NSD1: variants seen among roughly 807,000 people sequenced by gnomAD.
The protein encoded by NSD1 is nuclear receptor binding SET domain protein 1.
NSD1 carries 26 observed loss-of-function variants against 242.7 expected under a neutral mutation model. That is an observed-to-expected ratio of 0.11 (90% CI 0.08 to 0.15). The LOEUF is 0.15. Among genes scored for constraint, NSD1 ranks in the 10% least tolerant of loss-of-function variants. The pLI is 1.00. For synonymous variants in NSD1, 1,106 were observed against 1,178.1 expected, an observed-to-expected ratio of 0.94 and a Z score of 1.25; for missense variants, 2,495 against 3,272.8, an observed-to-expected ratio of 0.76 and a Z score of 5.80.
intron 2 of NSD1, among the ~76,000 whole-genome samples, chr5:177,151,733 C>G (rs1374772555): frequency 2.6e-5 from 4 of 151,106 alleles, no homozygotes; most frequent in African/African-American, 9.7e-5. Flanking sequence ...ACTCTGTTGG[C>G]TAGGCTGGAG....
chr5:177,237,495 A>AT (rs1765540303), intron 6 of NSD1, among the ~76,000 whole-genome samples: 1 of 142,756 alleles, frequency 7.0e-6, no homozygotes, highest in Non-Finnish European at 1.6e-5. Flanking sequence ...TTGGTTAAAA[A>AT]AATATATATA....
chr5:177,203,916 C>G (rs1762678053), intron 3 of NSD1, among the ~76,000 whole-genome samples: 1 of 152,190 alleles, frequency 6.6e-6, no homozygotes, highest in African/African-American at 2.4e-5. Context: ...CTGATTCTTT[C>G]ATAACCTCCT....
At chr5:177,164,866 C>T (rs1759055378) in intron 2 of NSD1, among the ~76,000 whole-genome samples, 1 of 151,614 alleles carries the variant, frequency 6.6e-6, no homozygotes, top group African/African-American at 2.4e-5. Flanking sequence ...TCGCTTGAAC[C>T]CAGGAGGTGG....
chr5:177,259,919 A>C, intron 13 of NSD1, 70 bp from the exon 14 acceptor site: 1 of 1,544,894 alleles, frequency 6.5e-7, no homozygotes, highest in Non-Finnish European at 8.9e-7. Context: ...ATAGACTTGA[A>C]TAACTCACAT....
chr5:177,235,167 C>A (rs1581399880), intron 5 of NSD1, among the ~76,000 whole-genome samples: 1 of 152,290 alleles, frequency 6.6e-6, no homozygotes, highest in East Asian at 1.9e-4. Context: ...TGCCAAACAA[C>A]CACAGATATT....
chr5:177,259,794 T>C (rs1446988054), intron 13 of NSD1, among the ~76,000 whole-genome samples, 195 bp from the exon 14 acceptor site: 6 of 152,210 alleles, frequency 3.9e-5, no homozygotes, highest in Non-Finnish European at 7.3e-5. Flanking sequence ...ATTTGATTCC[T>C]TTTGGAGACT....
chr5:177,160,296 T>A (rs1177750796), intron 2 of NSD1, among the ~76,000 whole-genome samples: 1 of 152,112 alleles, frequency 6.6e-6, no homozygotes, highest in Non-Finnish European at 1.5e-5. Context: ...TAATGTGTTT[T>A]TTTTTCTTTT....
At chr5:177,284,220 T>C (rs1318189396) in intron 20 of NSD1, among the ~76,000 whole-genome samples, 1 of 152,262 alleles carries the variant, frequency 6.6e-6, no homozygotes, top group African/African-American at 2.4e-5. Flanking sequence ...CTACTATATG[T>C]ACTTCATATA....
chr5:177,280,849 AATTACCAT>A lies in NSD1; in HGVS notation c.5892+18_5892+25del. 2 of 1,613,916 alleles carry A rather than the reference AATTACCAT, an allele frequency of 1.2e-6. No individual in the cohort carries two copies. The highest frequency in any genetic ancestry group is 1.7e-6 in the Non-Finnish European group (2 of 1,179,870). ...ATATTAAAAAGGTTAGAAAAAGCTA[AATTACCAT>A]ATACTTTCTCCTCTTTGCAGTTGCT... On this transcript the variant is annotated intron_variant, in intron 18 of 22. Coordinates refer to ENST00000439151, the MANE Select transcript of NSD1 (RefSeq NM_022455.5).
chr5:177,173,216 C>T (rs112050690), intron 2 of NSD1, among the ~76,000 whole-genome samples: 14 of 148,104 alleles, frequency 9.5e-5, no homozygotes, highest in Admixed American at 2.1e-4. Flanking sequence ...GGCGTGAACC[C>T]GGGAGGCGGA....
In NSD1 at chr5:177,280,588, A is replaced by G. The variant is rs1395607251; in HGVS notation, c.5646A>G (p.Val1882=). 2.5e-6 allele frequency: 4 copies of G among 1,614,190 alleles called. No homozygotes were observed. The highest frequency in any genetic ancestry group is 1.7e-6 in the Non-Finnish European group (2 of 1,180,032). The change falls in exon 18 of 23, where the codon GTA becomes GTG. Residue 1882 remains valine, a synonymous_variant. Coordinates refer to ENST00000439151, the MANE Select transcript of NSD1 (RefSeq NM_022455.5). ...AGGTAAACCGTCCTATTGGCAGGGT[A>G]CAGATCTTCACTGCAGACTTATCTG... The part of the protein sequence containing the change: ...HIKVNRPIGR[V]QIFTADLSEI...
At chr5:177,152,984 C>G (rs893061692) in intron 2 of NSD1, among the ~76,000 whole-genome samples, 1 of 152,072 alleles carries the variant, frequency 6.6e-6, no homozygotes. Context: ...CCGTGCCCTT[C>G]CCAGGTTTTA....
At chr5:177,272,573 G>C (rs1758025903) in intron 16 of NSD1, among the ~76,000 whole-genome samples, 1 of 152,146 alleles carries the variant, frequency 6.6e-6, no homozygotes, top group Non-Finnish European at 1.5e-5. Context: ...GGACTTTTCA[G>C]ATACTGCAAT....
intron 19 of NSD1, among the ~76,000 whole-genome samples, chr5:177,283,116 G>C (rs1759029050): frequency 6.6e-6 from 1 of 152,012 alleles, no homozygotes; most frequent in African/African-American, 2.4e-5. Flanking sequence ...ACCACGCCCG[G>C]CTAATTTTTG....
chr5:177,186,545 C>A (rs1278794876), intron 2 of NSD1, among the ~76,000 whole-genome samples: 1 of 151,916 alleles, frequency 6.6e-6, no homozygotes, highest in African/African-American at 2.4e-5. Flanking sequence ...AGATCTCGTC[C>A]AAAATTCCTT....
chr5:177,266,193 GTTAGCCCATCCAC>G, intron 14 of NSD1: 1 of 1,031,536 alleles, frequency 9.7e-7, no homozygotes. Context: ...AGAAGAGGCA[GTTAGCCCATCCAC>G]TTGCTGATGA....
intron 2 of NSD1, among the ~76,000 whole-genome samples, chr5:177,188,855 T>G (rs1346336328): frequency 1.3e-5 from 2 of 151,836 alleles, no homozygotes; most frequent in Non-Finnish European, 2.9e-5. Flanking sequence ...AAAAAAAAAA[T>G]GCTTTAACAG....
At chr5:177,273,427 A>G (rs1411346657) in intron 16 of NSD1, among the ~76,000 whole-genome samples, 1 of 151,824 alleles carries the variant, frequency 6.6e-6, no homozygotes, top group Admixed American at 6.6e-5. Context: ...AAAGGGTGAT[A>G]GTCTGTATTG....
At chr5:177,266,362 C>A in intron 14 of NSD1, 6 of 691,280 alleles carry the variant, frequency 8.7e-6, no homozygotes, top group South Asian at 7.1e-5. Context: ...CCTTGCGGGC[C>A]CGGCCTTGGC....
Sources: gnomAD v4.1 joint callset for allele counts (sites outside exome capture counted in the v4.1 genomes callset) on GRCh38, gnomAD v4.1.1 for gene constraint, MANE v1.5 for transcripts, NCBI Gene and HGNC (gene_info 2026-07-23, HGNC 2026-07-21) for gene names.